The following ANKRD44 variants were observed in gnomAD, a reference collection of about 807,000 sequenced individuals.
ANKRD44 encodes the protein serine/threonine-protein phosphatase 6 regulatory ankyrin repeat subunit B.
A neutral mutation model predicts 116.0 loss-of-function variants in ANKRD44; 35 were observed. The observed-to-expected ratio is 0.30, with a 90% confidence interval of 0.23 to 0.40. ANKRD44 has a LOEUF of 0.40. ANKRD44 is among the 10% of genes least tolerant of loss of function. The pLI, the probability that ANKRD44 is intolerant of heterozygous loss-of-function variation, is 1.00. For synonymous variants in ANKRD44, 435 were observed against 461.8 expected (o/e 0.94, Z 0.74); for missense variants, 1,014 against 1,242.6 (o/e 0.82, Z 2.77).
intron 8 of ANKRD44, among the ~76,000 whole-genome samples, chr2:197,118,679 A>G (rs1310197463): frequency 1.2e-5 from 1 of 85,312 alleles, no homozygotes; most frequent in Admixed American, 1.0e-4. Flanking sequence ...AAGAAAGAAA[A>G]ACCTAAATCA....
At position 197,011,761 on chromosome 2, in the gene ANKRD44, C is replaced by T. The variant is rs900368993; in HGVS notation, c.1924+1750G>A. Among the ~76,000 whole-genome samples the T allele has an allele frequency of 3.3e-5, 5 of 152,226 alleles. No individual in the cohort carries two copies. In the East Asian group the frequency reaches 9.6e-4, roughly 29 times the overall value. On this transcript the variant is annotated intron_variant, in intron 18 of 27. Transcript: ENST00000282272. The stretch of plus-strand genomic sequence containing the variant: ...GTGCTGGGATTACAGGCATGAACCA[C>T]TGCGCCCAGCCCCTCAGGTAAATCT...
chr2:197,010,557 AG>A (rs1003156158), intron 18 of ANKRD44, among the ~76,000 whole-genome samples: 5 of 152,208 alleles, frequency 3.3e-5, no homozygotes, highest in Non-Finnish European at 5.9e-5. Flanking sequence ...AGAAGGCTGT[AG>A]TGGTCCCACA....
chr2:196,978,359 A>G (rs1255372407), intron 21 of ANKRD44, among the ~76,000 whole-genome samples: 1 of 152,208 alleles, frequency 6.6e-6, no homozygotes, highest in Non-Finnish European at 1.5e-5. Flanking sequence ...TGCTTCCTGT[A>G]CAGCCTGCAG....
At chr2:197,198,637 C>CA (rs2081019000) in intron 1 of ANKRD44, among the ~76,000 whole-genome samples, 1 of 151,628 alleles carries the variant, frequency 6.6e-6, no homozygotes, top group Non-Finnish European at 1.5e-5. Context: ...ACTAAAAATA[C>CA]AAAAAATTAG....
At chr2:197,135,325 A>G (rs2079191076) in intron 4 of ANKRD44, 1 of 152,178 alleles carries the variant, frequency 6.6e-6, no homozygotes, top group South Asian at 2.1e-4. Flanking sequence ...AAATTCAGCT[A>G]TGGAGGTCAG....
chr2:197,217,801 G>A (rs1168432627), intron 1 of ANKRD44, among the ~76,000 whole-genome samples: 4 of 152,166 alleles, frequency 2.6e-5, no homozygotes, highest in African/African-American at 7.2e-5. Flanking sequence ...GAGTTGGAAG[G>A]TATGTATTTT....
intron 4 of ANKRD44, chr2:197,135,355 T>C (rs746073539): frequency 1.3e-5 from 2 of 152,156 alleles, no homozygotes; most frequent in Non-Finnish European, 2.9e-5. Context: ...ACCAAGTGCA[T>C]GCAAGGTTTG....
In ANKRD44 at chr2:197,121,318, T is replaced by C. The variant is rs765196305; in HGVS notation, c.906+14A>G. On this transcript the variant is annotated intron_variant, in intron 8 of 27. Coordinates refer to ENST00000282272, the MANE Select transcript of ANKRD44 (RefSeq NM_001195144.2). ...ATGCAAAGGCATTCAACACAGAGAC[T>C]AAGAGTGTCATACCTGAATGTTAAC... 35 of 1,611,066 alleles carry C rather than the reference T, an allele frequency of 2.2e-5. 1 individual carries two copies. The Middle Eastern group carries it at 4.9e-4, about 23-fold the overall frequency.
At chr2:197,174,505 C>T (rs140567900) in intron 2 of ANKRD44, among the ~76,000 whole-genome samples, 3 of 152,310 alleles carry the variant, frequency 2.0e-5, no homozygotes, top group African/African-American at 7.2e-5. Flanking sequence ...TAAAGATACA[C>T]AACACTGTTT....
At chr2:197,111,914 T>A (rs947224804) in intron 8 of ANKRD44, among the ~76,000 whole-genome samples, 1 of 152,188 alleles carries the variant, frequency 6.6e-6, no homozygotes, top group Admixed American at 6.5e-5. Context: ...CAGCTGGGAA[T>A]GTGTGCTGAA....
At chr2:197,073,979 A>C (rs1459425462) in intron 16 of ANKRD44, among the ~76,000 whole-genome samples, 4 of 151,946 alleles carry the variant, frequency 2.6e-5, no homozygotes, top group Non-Finnish European at 5.9e-5. Context: ...TTTCTGCCAC[A>C]TTACAAAAAA....
intron 16 of ANKRD44, among the ~76,000 whole-genome samples, chr2:197,037,249 C>G (rs1156440280): frequency 6.6e-6 from 1 of 152,210 alleles, no homozygotes; most frequent in Non-Finnish European, 1.5e-5. Flanking sequence ...AGATAAATTT[C>G]TATTGAAAAG....
intron 21 of ANKRD44, chr2:196,967,508 A>AT (rs550595410): frequency 3.3e-4 from 141 of 433,092 alleles, no homozygotes; most frequent in African/African-American, 2.7e-3. Flanking sequence ...TAATTGTTGC[A>AT]TTTTTCGGTA....
At chr2:196,973,118 T>A (rs1290975185) in intron 21 of ANKRD44, among the ~76,000 whole-genome samples, 1 of 152,194 alleles carries the variant, frequency 6.6e-6, no homozygotes, top group East Asian at 1.9e-4. Flanking sequence ...CACCATTTAT[T>A]ATCACTGTTT....
At chr2:197,037,493 T>A (rs189354116) in intron 16 of ANKRD44, among the ~76,000 whole-genome samples, 5 of 152,254 alleles carry the variant, frequency 3.3e-5, no homozygotes, top group Non-Finnish European at 7.3e-5. Flanking sequence ...TAAATGTTTA[T>A]AGAACTGAAT....
At position 197,305,903 on chromosome 2, in the gene ANKRD44, G is replaced by T. The variant is rs574113819; in HGVS notation, c.27+4675C>A. 3.2e-3 allele frequency among the ~76,000 whole-genome samples: 478 copies of T among 148,904 alleles called. 4 individuals are homozygous for T. The highest frequency in any genetic ancestry group is 0.01 in the Middle Eastern group (3 of 292). On this transcript the variant is annotated intron_variant, in intron 1 of 27. Coordinates refer to ENST00000282272, the MANE Select transcript of ANKRD44 (RefSeq NM_001195144.2). ...CTCTTGAGTATACAGGCTTCAGATGGTTTTAAAATTTTTTGGTTTGCTCAT... is the reference window on the plus strand; with the variant it reads ...CTCTTGAGTATACAGGCTTCAGATGTTTTTAAAATTTTTTGGTTTGCTCAT...
At chr2:197,162,371 T>A (rs1364065439) in intron 2 of ANKRD44, among the ~76,000 whole-genome samples, 1 of 152,180 alleles carries the variant, frequency 6.6e-6, no homozygotes, top group Non-Finnish European at 1.5e-5. Context: ...CCGTTTTATT[T>A]CTAAGAATTG....
chr2:197,153,707 T>C (rs1370538792), intron 2 of ANKRD44, among the ~76,000 whole-genome samples: 1 of 152,148 alleles, frequency 6.6e-6, no homozygotes, highest in African/African-American at 2.4e-5. Flanking sequence ...AAAACAAACA[T>C]GTTAACATTT....
intron 1 of ANKRD44, among the ~76,000 whole-genome samples, chr2:197,265,323 T>A (rs2105750903): frequency 6.6e-6 from 1 of 151,924 alleles, no homozygotes; most frequent in Non-Finnish European, 1.5e-5. Flanking sequence ...CTCAGCTCAC[T>A]GCAACCTCTG....
Sources: allele counts gnomAD v4.1 joint callset (sites outside exome capture counted in the v4.1 genomes callset), GRCh38; gene constraint gnomAD v4.1.1; transcripts MANE v1.5; gene names NCBI Gene and HGNC (gene_info 2026-07-23, HGNC 2026-07-21).